ST18: variants seen among roughly 807,000 people sequenced by gnomAD.
ST18 encodes the protein ST18 C2H2C-type zinc finger transcription factor.
In ST18, 50 loss-of-function variants were observed where a neutral mutation model predicts 110.0. The observed-to-expected ratio is 0.45, with a 90% confidence interval of 0.36 to 0.58. The LOEUF (loss-of-function observed/expected upper bound fraction) is 0.58. ST18 is among the 20% of genes least tolerant of loss of function. The pLI is 0.00. For missense variants in ST18, 1,306 were observed against 1,280.1 expected, an observed-to-expected ratio of 1.02 and a Z score of -0.31; for synonymous variants, 461 against 452.4, an observed-to-expected ratio of 1.02 and a Z score of -0.24.
At position 52,126,051 on chromosome 8, in the gene ST18, C is replaced by T; in HGVS notation, c.2755+1G>A. 1.2e-6 allele frequency: 2 copies of T among 1,613,890 alleles called. No individual in the cohort carries two copies. Among genetic ancestry groups the T allele is most frequent in the Non-Finnish European group, 1.7e-6 (2 of 1,179,868 alleles). On this transcript the variant is annotated splice_donor_variant, in intron 23 of 25. Transcript: ENST00000689386. LOFTEE classifies it high-confidence loss of function. ...GGTGACAGCCAGCCCTGTGCTCTTACCCCCAGTTGCTTTGAGCTTGATGGT... is the reference window on the plus strand; with the variant it reads ...GGTGACAGCCAGCCCTGTGCTCTTATCCCCAGTTGCTTTGAGCTTGATGGT...
At chr8:52,267,488 A>AG (rs1206869288) in intron 2 of ST18, among the ~76,000 whole-genome samples, 1 of 141,714 alleles carries the variant, frequency 7.1e-6, no homozygotes, top group Non-Finnish European at 1.5e-5. Flanking sequence ...TAAGCTAAAA[A>AG]AAAAAAAAAA....
At chr8:52,271,099 T>C (rs1001037761) in intron 2 of ST18, among the ~76,000 whole-genome samples, 3 of 152,064 alleles carry the variant, frequency 2.0e-5, no homozygotes, top group Non-Finnish European at 2.9e-5. Flanking sequence ...GGGGTTTCAC[T>C]GTGTTAGCCA....
intron 2 of ST18, among the ~76,000 whole-genome samples, chr8:52,271,857 G>C (rs1351248772): frequency 6.6e-6 from 1 of 152,198 alleles, no homozygotes; most frequent in Non-Finnish European, 1.5e-5. Flanking sequence ...TCAAAATAAA[G>C]TTTTGGTCTA....
chr8:52,386,666 C>T lies in ST18; in HGVS notation c.-465+22662G>A, dbSNP rs188452477. Among the ~76,000 whole-genome samples the T allele has an allele frequency of 3.4e-3, 511 of 152,082 alleles. 5 individuals are homozygous for T. Among genetic ancestry groups the T allele is most frequent in the African/African-American group, 0.012 (492 of 41,492 alleles). ...TGTTCATTTTTGAATATTATCTTTC[C>T]TTTTATTTTAAAAGGGGAGAGTTCT... On this transcript the variant is annotated intron_variant, in intron 2 of 25. Coordinates refer to ENST00000689386, the MANE Select transcript of ST18 (RefSeq NM_001352837.2).
chr8:52,357,181 C>T (rs7828317), intron 2 of ST18, among the ~76,000 whole-genome samples: 148,455 of 152,170 alleles, frequency 0.98, 72,518 homozygotes, highest in East Asian at 1. Flanking sequence ...GAGTATCGAG[C>T]TTCCATCCCC....
chr8:52,175,684 T>C (rs2066642884), intron 9 of ST18, among the ~76,000 whole-genome samples: 1 of 152,152 alleles, frequency 6.6e-6, no homozygotes, highest in African/African-American at 2.4e-5. Context: ...TTTCATTTAA[T>C]TGTCACAATA....
At chr8:52,193,179 G>T (rs961215942) in intron 8 of ST18, among the ~76,000 whole-genome samples, 3 of 152,170 alleles carry the variant, frequency 2.0e-5, no homozygotes, top group Non-Finnish European at 2.9e-5. Context: ...GAAGGGAATG[G>T]GTAGAAGTAT....
intron 2 of ST18, among the ~76,000 whole-genome samples, chr8:52,329,283 T>TA (rs368634304): frequency 0.035 from 4,491 of 128,782 alleles, 130 homozygotes; most frequent in African/African-American, 0.07. Context: ...GGAGAAATGG[T>TA]AAAAAAAAAA....
At chr8:52,378,333 C>T (rs1833192776) in intron 2 of ST18, among the ~76,000 whole-genome samples, 2 of 152,086 alleles carry the variant, frequency 1.3e-5, no homozygotes, top group Admixed American at 1.3e-4. Flanking sequence ...ACCTCTATGT[C>T]TGTATCAAAA....
intron 2 of ST18, among the ~76,000 whole-genome samples, chr8:52,351,976 T>G (rs867768055): frequency 2.3e-4 from 35 of 152,294 alleles, no homozygotes; most frequent in Middle Eastern, 3.4e-3. Flanking sequence ...TCAAAAAAAT[T>G]TATATGCAAG....
rs899313419 is a variant in ST18 at position 52,386,459 on chromosome 8, GT to G, written c.-465+22868del. Among the ~76,000 whole-genome samples the G allele has an allele frequency of 1.5e-4, 22 of 142,010 alleles. No homozygotes were observed. In the East Asian group the frequency reaches 3.3e-3, roughly 21 times the overall value. 93.2% of individuals were successfully genotyped at this position (142,010 alleles called of 152,430 possible). On this transcript the variant is annotated intron_variant, in intron 2 of 25. Transcript: ENST00000689386. ...TCTGATAATTAGAAAAGGCAGTCTT[GT>G]TTTTTTTTCTTAAAAAAAAAAAAGA...
In ST18 at chr8:52,165,227, T is replaced by C; in HGVS notation, c.1205-2A>G. The stretch of plus-strand genomic sequence containing the variant: ...GCACATTTTCATGCATGGCAAGAAC[T>C]AAGCACAAAACAACACATAAAGGAA... On this transcript the variant is annotated splice_acceptor_variant, in intron 11 of 25. Coordinates refer to ENST00000689386, the MANE Select transcript of ST18 (RefSeq NM_001352837.2). LOFTEE classifies it high-confidence loss of function. 1 of 1,614,142 alleles carries C rather than the reference T, an allele frequency of 6.2e-7. No homozygotes were observed. Among genetic ancestry groups the C allele is most frequent in the Non-Finnish European group, 8.5e-7 (1 of 1,179,986 alleles).
intron 2 of ST18, among the ~76,000 whole-genome samples, chr8:52,310,810 G>A (rs1310283047): frequency 1.3e-5 from 2 of 149,646 alleles, no homozygotes; most frequent in Admixed American, 6.7e-5. Context: ...GCAGCAGGGA[G>A]TCTTGGGAGC....
intron 2 of ST18, among the ~76,000 whole-genome samples, chr8:52,308,842 G>A (rs2095855241): frequency 2.0e-5 from 3 of 152,210 alleles, no homozygotes; most frequent in Admixed American, 6.5e-5. Context: ...TGCCTGTGTC[G>A]GCTCAGGGGG....
intron 2 of ST18, among the ~76,000 whole-genome samples, chr8:52,269,968 A>G (rs2095017648): frequency 6.6e-6 from 1 of 152,118 alleles, no homozygotes; most frequent in Non-Finnish European, 1.5e-5. Context: ...CTTGAGTTTA[A>G]AAAACAACTT....
At chr8:52,158,211 G>T (rs2060500580) in intron 15 of ST18, among the ~76,000 whole-genome samples, 1 of 152,110 alleles carries the variant, frequency 6.6e-6, no homozygotes, top group South Asian at 2.1e-4. Flanking sequence ...TTGTCAATTG[G>T]GGAGGAAAGG....
At chr8:52,407,536 T>C (rs1317688209) in intron 2 of ST18, 1 of 152,198 alleles carries the variant, frequency 6.6e-6, no homozygotes, top group Non-Finnish European at 1.5e-5. Context: ...TAGTCTTTTA[T>C]AATAAAATAA....
At chr8:52,156,778 CAGA>C (rs3030251) in intron 15 of ST18, among the ~76,000 whole-genome samples, 8,667 of 152,208 alleles carry the variant, frequency 0.057, 404 homozygotes, top group African/African-American at 0.12. Context: ...CATGCACTGG[CAGA>C]AGGATTCTGC....
chr8:52,197,176 A>G (rs556929657), intron 8 of ST18, among the ~76,000 whole-genome samples: 1 of 152,234 alleles, frequency 6.6e-6, no homozygotes, highest in Non-Finnish European at 1.5e-5. Flanking sequence ...ACTTAGAAAA[A>G]TATCTGCTGC....
Sources: gnomAD v4.1 joint callset for allele counts (sites outside exome capture counted in the v4.1 genomes callset) on GRCh38, gnomAD v4.1.1 for gene constraint, MANE v1.5 for transcripts, NCBI Gene and HGNC (gene_info 2026-07-23, HGNC 2026-07-21) for gene names.